Variants in PIEZO2 observed in about 807,000 individuals in gnomAD.
PIEZO2 encodes the protein piezo type mechanosensitive ion channel component 2, also known as piezo-type mechanosensitive ion channel component 2.
A neutral mutation model predicts 337.3 loss-of-function variants in PIEZO2; 172 were observed. The ratio of observed to expected loss-of-function variants is 0.51; its 90% CI spans 0.45 to 0.58. The LOEUF (loss-of-function observed/expected upper bound fraction) is 0.58, where lower values mean the gene tolerates loss of function less well. Among genes scored for constraint, PIEZO2 ranks in the 20% least tolerant of loss-of-function variants. The pLI, the probability that PIEZO2 is intolerant of heterozygous loss-of-function variation, is 0.00. For missense variants in PIEZO2, 3,028 were observed against 3,391.3 expected (o/e 0.89, Z 2.66); for synonymous variants, 1,251 against 1,228.5 (o/e 1.02, Z -0.38).
intron 52 of PIEZO2, among the ~76,000 whole-genome samples, chr18:10,678,807 G>A (rs2034129950): frequency 6.6e-6 from 1 of 151,178 alleles, no homozygotes; most frequent in Non-Finnish European, 1.5e-5. Flanking sequence ...GGACTCTCAG[G>A]AAGTCTCTCT....
At chr18:10,987,660 C>G (rs2034931256) in intron 2 of PIEZO2, among the ~76,000 whole-genome samples, 1 of 151,976 alleles carries the variant, frequency 6.6e-6, no homozygotes, top group Non-Finnish European at 1.5e-5. Flanking sequence ...GGTTATAACA[C>G]CAAAAGCACA....
rs187802031 is a variant in PIEZO2 at position 10,916,678 on chromosome 18, A to G, written c.287-5450T>C. 3.2e-3 allele frequency among the ~76,000 whole-genome samples: 489 copies of G among 152,208 alleles called. 4 individuals are homozygous for G. Among genetic ancestry groups the G allele is most frequent in the African/African-American group, 0.01 (418 of 41,574 alleles). On this transcript the variant is annotated intron_variant, in intron 3 of 55. Transcript: ENST00000674853. ...CATGCCTCTCCCTCCACACCTCCCCACAAGGAGAGGGAGCCAGCTGCAGCC... is the reference window on the plus strand; with the variant it reads ...CATGCCTCTCCCTCCACACCTCCCCGCAAGGAGAGGGAGCCAGCTGCAGCC...
intron 4 of PIEZO2, among the ~76,000 whole-genome samples, chr18:10,902,253 A>C (rs563371764): frequency 1.3e-5 from 2 of 152,216 alleles, no homozygotes; most frequent in East Asian, 3.8e-4. Context: ...TCCTGGTCCC[A>C]AAAAGGTTGA....
chr18:10,682,322 G>T lies in PIEZO2; in HGVS notation c.7498-30C>A. The T allele has an allele frequency of 1.3e-6, 2 of 1,512,462 alleles. No homozygotes were observed. Among genetic ancestry groups the T allele is most frequent in the Non-Finnish European group, 1.8e-6 (2 of 1,132,234 alleles). The allele number at this position is 1,512,462 out of a possible 1,614,324, so 93.7% of individuals were successfully genotyped here. A position where few individuals can be genotyped will look rare whatever the true frequency, so the allele number is the denominator to read the frequency against. ...AACAGAGAGTTCAGACAAGGCTCAG[G>T]CTCAGGCTCAGGTGCTTTCCCGCAG... On this transcript the variant is annotated intron_variant, in intron 49 of 55. Transcript: ENST00000674853. The surrounding 1 kb of genome is among the most constrained non-coding windows in gnomAD (Gnocchi z 5.6).
At position 11,109,536 on chromosome 18, in the gene PIEZO2, C is replaced by T. The variant is rs570794474; in HGVS notation, c.64+38989G>A. Among the ~76,000 whole-genome samples, 2 of 141,086 alleles carry T rather than the reference C, an allele frequency of 1.4e-5. No homozygotes were observed. The highest frequency in any genetic ancestry group is 2.3e-4 in the East Asian group (1 of 4,414). The allele number at this position is 141,086 out of a possible 152,430, so 92.6% of individuals were successfully genotyped here. A position where few individuals can be genotyped will look rare whatever the true frequency, so the allele number is the denominator to read the frequency against. The stretch of plus-strand genomic sequence containing the variant: ...TTTGAGACGACCCTGGCCAAGATGG[C>T]GAAACCCCGTCTCTACTGAAAATAC... On this transcript the variant is annotated intron_variant, in intron 1 of 55. Transcript: ENST00000674853. The surrounding 1 kb of genome is among the most constrained non-coding windows in gnomAD (Gnocchi z 5.1).
At chr18:10,816,987 T>C (rs1355880296) in intron 7 of PIEZO2, among the ~76,000 whole-genome samples, 1 of 152,040 alleles carries the variant, frequency 6.6e-6, no homozygotes, top group East Asian at 1.9e-4. Flanking sequence ...ATGGTGCAGG[T>C]TTTCTAGGAC....
At chr18:11,019,839 T>A (rs1165007937) in intron 2 of PIEZO2, among the ~76,000 whole-genome samples, 7 of 152,076 alleles carry the variant, frequency 4.6e-5, no homozygotes, top group Non-Finnish European at 1.0e-4. Flanking sequence ...CTAATGACAA[T>A]CTGTAATGAA....
At chr18:10,852,351 GGT>G (rs950397883) in intron 7 of PIEZO2, among the ~76,000 whole-genome samples, 5 of 150,712 alleles carry the variant, frequency 3.3e-5, no homozygotes, top group East Asian at 3.9e-4. Context: ...TGTGTGGATG[GGT>G]GTGTGTGTGT....
chr18:10,720,660 G>T (rs1378983328), intron 36 of PIEZO2, among the ~76,000 whole-genome samples: 1 of 151,390 alleles, frequency 6.6e-6, no homozygotes, highest in Non-Finnish European at 1.5e-5. Context: ...GCTCGGGCTG[G>T]TCTCAAACTC....
chr18:10,991,267 C>T (rs973366464), intron 2 of PIEZO2, among the ~76,000 whole-genome samples: 1 of 150,656 alleles, frequency 6.6e-6, no homozygotes, highest in Non-Finnish European at 1.5e-5. Flanking sequence ...TTCTGGGGTA[C>T]ATGTACAGAA....
At chr18:10,955,951 A>G (rs1394332012) in intron 3 of PIEZO2, among the ~76,000 whole-genome samples, 1 of 152,250 alleles carries the variant, frequency 6.6e-6, no homozygotes, top group Non-Finnish European at 1.5e-5. Context: ...TTGTTAGATG[A>G]TGAATGAATA....
chr18:10,744,022 G>A (rs2037327452), intron 31 of PIEZO2, 120 bp downstream of exon 31: 8 of 636,574 alleles, frequency 1.3e-5, no homozygotes, highest in South Asian at 4.2e-5. Flanking sequence ...ATAGGAAGTT[G>A]TGAAAGTCCA....
intron 24 of PIEZO2, 116 bp from the exon 25 acceptor site, chr18:10,760,025 G>C: frequency 1.2e-6 from 1 of 857,262 alleles, no homozygotes; most frequent in African/African-American, 1.7e-5. Flanking sequence ...GGGCAAGTCT[G>C]TCTGCACAGA....
chr18:11,042,633 C>A (rs951945114), intron 2 of PIEZO2, among the ~76,000 whole-genome samples: 2 of 152,202 alleles, frequency 1.3e-5, no homozygotes, highest in Non-Finnish European at 2.9e-5. Context: ...TGGACTCTTT[C>A]CATCCTACAT....
chr18:11,026,761 A>G (rs1465768352), intron 2 of PIEZO2, among the ~76,000 whole-genome samples: 1 of 152,158 alleles, frequency 6.6e-6, no homozygotes, highest in East Asian at 1.9e-4. Flanking sequence ...TCAAAACTGT[A>G]TCACTTTTAT....
intron 40 of PIEZO2, 41 bp from the exon 41 acceptor site, chr18:10,705,787 A>G: frequency 6.8e-7 from 1 of 1,473,246 alleles, no homozygotes; most frequent in Non-Finnish European, 9.0e-7. Context: ...ATGTCTTAGC[A>G]TCCACACTCC....
intron 1 of PIEZO2, among the ~76,000 whole-genome samples, chr18:11,119,533 A>C (rs1024952938): frequency 5.3e-5 from 8 of 152,238 alleles, no homozygotes; most frequent in African/African-American, 1.9e-4. Context: ...CTTTAAAAGA[A>C]CTGTGTTTGT....
intron 31 of PIEZO2, among the ~76,000 whole-genome samples, chr18:10,743,109 A>G (rs576167075): frequency 2.0e-5 from 3 of 152,288 alleles, no homozygotes; most frequent in Admixed American, 6.5e-5. Context: ...ATTCTTCTAG[A>G]CCTGATTTGG....
rs1310838813 is a variant in PIEZO2, at chr18:10,671,638, TA to T, written c.8486del (p.Leu2829Ter). ...GCTCCAGTTCTCCTGTCTCTCGAAC[TA>T]AAAAAATATCTGTGCACAACTTCAA... Reference protein sequence around the residue: ...RILKLCTDIFLVRETGELELE... With the variant: ...RILKLCTDIFXVRETGELELE... On this transcript the variant is annotated frameshift_variant, in exon 56 of 56. Transcript: ENST00000674853. LOFTEE classifies it high-confidence loss of function. 6.2e-7 allele frequency: 1 copy of T among 1,614,016 alleles called. No homozygotes were observed. The highest frequency in any genetic ancestry group is 8.5e-7 in the Non-Finnish European group (1 of 1,179,982).
Sources: gnomAD v4.1 joint callset for allele counts (sites outside exome capture counted in the v4.1 genomes callset) on GRCh38, gnomAD v4.1.1 for gene constraint, Gnocchi (gnomAD v3.1) non-coding constraint, MANE v1.5 for transcripts, NCBI Gene and HGNC (gene_info 2026-07-23, HGNC 2026-07-21) for gene names.